PAN3: variants seen among roughly 807,000 people sequenced by gnomAD.
The protein encoded by PAN3 is PAN2-PAN3 deadenylation complex subunit PAN3.
PAN3 carries 19 observed loss-of-function variants against 96.2 expected under a neutral mutation model. The ratio of observed to expected loss-of-function variants is 0.20; its 90% CI spans 0.14 to 0.29. PAN3 has a LOEUF of 0.29. Among genes scored for constraint, PAN3 ranks in the 10% least tolerant of loss-of-function variants. The probability of loss-of-function intolerance (pLI) is 1.00; values close to 1 mark genes in which losing one functional copy is unlikely to be tolerated. For synonymous variants in PAN3, 433 were observed against 406.6 expected, an observed-to-expected ratio of 1.06 and a Z score of -0.78; for missense variants, 882 against 1,108.1, an observed-to-expected ratio of 0.80 and a Z score of 2.90.
intron 16 of PAN3, among the ~76,000 whole-genome samples, chr13:28,281,021 G>A (rs112049063): frequency 7.9e-4 from 121 of 152,220 alleles, no homozygotes; most frequent in African/African-American, 2.7e-3. Flanking sequence ...ATGTCCTCTG[G>A]ACAACACTGT....
At chr13:28,188,224 A>T (rs1422663751) in intron 4 of PAN3, among the ~76,000 whole-genome samples, 1 of 149,134 alleles carries the variant, frequency 6.7e-6, no homozygotes. Flanking sequence ...AGGATTTATT[A>T]TATATTTATT....
At chr13:28,206,832 C>G (rs1041963188) in intron 5 of PAN3, among the ~76,000 whole-genome samples, 1 of 150,308 alleles carries the variant, frequency 6.7e-6, no homozygotes, top group African/African-American at 2.4e-5. Context: ...ACTCTTTCTT[C>G]ATAGTGCTCT....
intron 1 of PAN3, 47 bp downstream of exon 1, chr13:28,139,134 C>G (rs1228488927): frequency 1.4e-5 from 18 of 1,268,378 alleles, no homozygotes; most frequent in Non-Finnish European, 1.3e-5. Context: ...GAGGGCAGGC[C>G]TGGGCCGGAT....
chr13:28,141,550 C>T (rs1013334295), intron 1 of PAN3, among the ~76,000 whole-genome samples: 3 of 148,970 alleles, frequency 2.0e-5, no homozygotes, highest in Non-Finnish European at 4.4e-5. Context: ...TCACCGCAAC[C>T]TCTGCCTCCC....
intron 9 of PAN3, among the ~76,000 whole-genome samples, chr13:28,263,677 A>G (rs1885921958): frequency 6.6e-6 from 1 of 152,200 alleles, no homozygotes; most frequent in African/African-American, 2.4e-5. Flanking sequence ...TTGGGTCATT[A>G]TCTCAAGCCA....
At chr13:28,257,737 AAT>A (rs1566235096) in intron 7 of PAN3, among the ~76,000 whole-genome samples, 2 of 110,548 alleles carry the variant, frequency 1.8e-5, no homozygotes, top group African/African-American at 6.2e-5. Flanking sequence ...ATTATATATA[AAT>A]TATATATAAT....
intron 17 of PAN3, among the ~76,000 whole-genome samples, chr13:28,284,242 T>C (rs1364449551): frequency 6.6e-6 from 1 of 152,168 alleles, no homozygotes; most frequent in Non-Finnish European, 1.5e-5. Context: ...TTAACAAGCA[T>C]GTTTGAGGGT....
intron 17 of PAN3, among the ~76,000 whole-genome samples, chr13:28,282,390 C>T (rs141121782): frequency 6.6e-6 from 1 of 150,742 alleles, no homozygotes; most frequent in East Asian, 2.0e-4. Flanking sequence ...TCTTCAAAGT[C>T]GAAAGACTCA....
intron 6 of PAN3, among the ~76,000 whole-genome samples, chr13:28,252,733 T>C (rs1884837137): frequency 6.6e-6 from 1 of 152,102 alleles, no homozygotes; most frequent in Non-Finnish European, 1.5e-5. Context: ...TGTATACTGA[T>C]GTCATCAGAA....
chr13:28,235,690 C>CAT (rs200913336), intron 6 of PAN3, among the ~76,000 whole-genome samples: 13,523 of 103,352 alleles, frequency 0.13, 652 homozygotes, highest in East Asian at 0.34. Context: ...TATACACACA[C>CAT]ACACATACAC....
At chr13:28,201,622 A>G (rs933391507) in intron 5 of PAN3, among the ~76,000 whole-genome samples, 2 of 151,402 alleles carry the variant, frequency 1.3e-5, no homozygotes, top group Non-Finnish European at 2.9e-5. Context: ...CTGATTTTGA[A>G]CTCCTGGCCT....
At chr13:28,247,861 T>C (rs1325188477) in intron 6 of PAN3, among the ~76,000 whole-genome samples, 1 of 152,188 alleles carries the variant, frequency 6.6e-6, no homozygotes, top group Non-Finnish European at 1.5e-5. Flanking sequence ...GTAGTAGATG[T>C]CTCGTGCTTT....
chr13:28,168,338 AG>A, intron 1 of PAN3, among the ~76,000 whole-genome samples: 1 of 152,210 alleles, frequency 6.6e-6, no homozygotes, highest in Non-Finnish European at 1.5e-5. Flanking sequence ...GCACTCAAAA[AG>A]TTTCAGATTC....
Position 28,256,497 on chromosome 13 carries a change from TTACTTCTA to T in PAN3, c.1210_1217del (p.Phe404ArgfsTer41). The T allele has an allele frequency of 6.2e-7, 1 of 1,614,066 alleles. No homozygotes were observed. Among genetic ancestry groups the T allele is most frequent in the Non-Finnish European group, 8.5e-7 (1 of 1,179,956 alleles). On this transcript the variant is annotated frameshift_variant, in exon 7 of 19. Transcript: ENST00000380958. LOFTEE classifies it high-confidence loss of function. ...AAAAGGAAACTGTTGGTGGGACGAC[TTACTTCTA>T]TACAGACACAACTCCAGCACCTTTG...
At chr13:28,282,374 T>G (rs1282814283) in intron 17 of PAN3, among the ~76,000 whole-genome samples, 1 of 152,022 alleles carries the variant, frequency 6.6e-6, no homozygotes, top group Non-Finnish European at 1.5e-5. Flanking sequence ...CAAGTCCACT[T>G]GCTTTTCTTC....
rs140373315 is a variant in PAN3 at position 28,174,307 on chromosome 13, A to G, written c.466A>G (p.Ser156Gly). ...GGATGGAGGTGCTTTAACTGATACA[A>G]GTCTCACAGATTCCTATTTTAGCAC... ...GMDGGALTDTSLTDSYFSTSF... is the reference protein window; with the variant it reads ...GMDGGALTDTGLTDSYFSTSF... Residue 156 changes from serine (S) to glycine (G), a missense_variant, in exon 2 of 19, where the codon AGT becomes GGT. Physicochemically the swap from Ser to Gly is moderately conservative, Grantham distance 56 (BLOSUM62 0). This residue lies in a region of PAN3 where 442 missense variants were observed against 422.8 expected (regional missense o/e 1.05). Transcript: ENST00000380958. The G allele has an allele frequency of 6.2e-7, 1 of 1,612,752 alleles. No homozygotes were observed. The highest frequency in any genetic ancestry group is 1.3e-5 in the African/African-American group (1 of 74,898).
At chr13:28,187,993 C>T (rs952463637) in intron 4 of PAN3, among the ~76,000 whole-genome samples, 3 of 152,092 alleles carry the variant, frequency 2.0e-5, no homozygotes, top group African/African-American at 7.2e-5. Context: ...CTCACCTGGC[C>T]CAATGAATGA....
At chr13:28,243,170 C>T (rs980594673) in intron 6 of PAN3, among the ~76,000 whole-genome samples, 3 of 152,124 alleles carry the variant, frequency 2.0e-5, no homozygotes, top group Non-Finnish European at 1.5e-5. Flanking sequence ...GAGAAGTGCT[C>T]ATAGTTGATA....
At chr13:28,149,369 C>G (rs1243310288) in intron 1 of PAN3, among the ~76,000 whole-genome samples, 2 of 152,054 alleles carry the variant, frequency 1.3e-5, no homozygotes, top group African/African-American at 4.8e-5. Context: ...AAAAAAGAAA[C>G]TCACTGTATT....
Sources: gnomAD v4.1 joint callset for allele counts (sites outside exome capture counted in the v4.1 genomes callset) on GRCh38, gnomAD v4.1.1 for gene constraint, gnomAD v4.1.1 regional missense constraint, MANE v1.5 for transcripts, NCBI Gene and HGNC (gene_info 2026-07-23, HGNC 2026-07-21) for gene names.